The following SH3GL2 variants were observed in gnomAD, a reference collection of about 807,000 sequenced individuals.
The protein encoded by SH3GL2 is endophilin-A1.
Under a neutral mutation model 46.0 loss-of-function variants are expected in SH3GL2, and 24 were observed. The observed-to-expected ratio is 0.52, with a 90% CI of 0.38 to 0.73. The LOEUF (loss-of-function observed/expected upper bound fraction) is 0.73, where lower values mean the gene tolerates loss of function less well. Among genes scored for constraint, SH3GL2 ranks in the 30% least tolerant of loss-of-function variants. The pLI, the probability that SH3GL2 is intolerant of heterozygous loss-of-function variation, is 0.00. For missense variants in SH3GL2, 413 were observed against 424.2 expected (o/e 0.97, Z 0.23); for synonymous variants, 196 against 147.1 (o/e 1.33, Z -2.40).
chr9:17,593,074 G>C (rs930708909), intron 1 of SH3GL2, among the ~76,000 whole-genome samples: 2 of 152,192 alleles, frequency 1.3e-5, no homozygotes, highest in African/African-American at 4.8e-5. Context: ...GGGTATGGAA[G>C]CTCCAGGCTG....
rs142080390 is a variant in SH3GL2, at chr9:17,622,448, A to G, written c.45+43161A>G. 1.3e-3 allele frequency among the ~76,000 whole-genome samples: 201 copies of G among 152,352 alleles called. 1 individual carries two copies. The highest frequency in any genetic ancestry group is 3.8e-3 in the African/African-American group (156 of 41,588). ...GCAGCATGATTAAAAATGCTTCCAT[A>G]GTAAATAAGGACACTAGAATTGGGT... On this transcript the variant is annotated intron_variant, in intron 1 of 8. Transcript: ENST00000380607.
intron 1 of SH3GL2, among the ~76,000 whole-genome samples, chr9:17,611,450 A>G (rs1262789726): frequency 6.6e-6 from 1 of 152,140 alleles, no homozygotes; most frequent in African/African-American, 2.4e-5. Context: ...GCTCATTTAG[A>G]ACTTTATTGG....
intron 1 of SH3GL2, among the ~76,000 whole-genome samples, chr9:17,651,323 T>A (rs1819953526): frequency 6.6e-6 from 1 of 152,224 alleles, no homozygotes. Context: ...TTTAAAATGT[T>A]GACTCATCTC....
chr9:17,758,494 G>C (rs2131147234), intron 2 of SH3GL2, among the ~76,000 whole-genome samples: 1 of 146,532 alleles, frequency 6.8e-6, no homozygotes, highest in African/African-American at 2.5e-5. Flanking sequence ...CCTGGGAGGA[G>C]GAGGTTGCGG....
intron 3 of SH3GL2, among the ~76,000 whole-genome samples, chr9:17,767,363 A>T (rs2131159525): frequency 1.3e-5 from 2 of 152,366 alleles, no homozygotes; most frequent in South Asian, 4.1e-4. Flanking sequence ...AGTCCCTGGA[A>T]AGATACTCTA....
At chr9:17,608,848 A>G (rs1286490212) in intron 1 of SH3GL2, among the ~76,000 whole-genome samples, 2 of 152,214 alleles carry the variant, frequency 1.3e-5, no homozygotes, top group Non-Finnish European at 2.9e-5. Flanking sequence ...AATCCTTTTT[A>G]TTTTTATTGA....
chr9:17,609,006 C>T (rs1818811145), intron 1 of SH3GL2, among the ~76,000 whole-genome samples: 2 of 152,196 alleles, frequency 1.3e-5, no homozygotes, highest in South Asian at 2.1e-4. Flanking sequence ...TCACTGATCC[C>T]AGCATCTGCT....
intron 1 of SH3GL2, among the ~76,000 whole-genome samples, chr9:17,628,414 GTGT>G (rs1563788933): frequency 0.023 from 820 of 35,128 alleles, 11 homozygotes; most frequent in African/African-American, 0.054. Flanking sequence ...TATCTTGGGT[GTGT>G]GTGTGTGTGT....
Position 17,700,184 on chromosome 9 carries a change from T to A in SH3GL2, c.46-46882T>A, listed in dbSNP as rs577417180. On this transcript the variant is annotated intron_variant, in intron 1 of 8. Transcript: ENST00000380607. ...ATCTGCTAGGGATTTATTATTTTTC[T>A]TGTTTCCCCTCTCTAAGTTGGTGTT... is the stretch of plus-strand genomic sequence containing the variant. 6.6e-5 allele frequency among the ~76,000 whole-genome samples: 10 copies of A among 152,276 alleles called. No individual in the cohort carries two copies. The East Asian group carries it at 1.7e-3, about 26-fold the overall frequency.
chr9:17,676,752 G>C (rs1820621031), intron 1 of SH3GL2, among the ~76,000 whole-genome samples: 1 of 152,164 alleles, frequency 6.6e-6, no homozygotes, highest in Non-Finnish European at 1.5e-5. Flanking sequence ...AAACAAGATT[G>C]CTGGCACCAT....
chr9:17,738,641 T>TAGAG (rs1554645334), intron 1 of SH3GL2, among the ~76,000 whole-genome samples: 13 of 88,868 alleles, frequency 1.5e-4, no homozygotes, highest in African/African-American at 3.7e-4. Context: ...TATATATATA[T>TAGAG]AGAGAGAGAG....
chr9:17,648,371 C>CA (rs1563797016), intron 1 of SH3GL2, among the ~76,000 whole-genome samples: 1 of 152,114 alleles, frequency 6.6e-6, no homozygotes, highest in Non-Finnish European at 1.5e-5. Flanking sequence ...TATATCTACA[C>CA]AAAGGTACAT....
chr9:17,616,555 C>T (rs1368536874), intron 1 of SH3GL2, among the ~76,000 whole-genome samples: 1 of 152,000 alleles, frequency 6.6e-6, no homozygotes, highest in African/African-American at 2.4e-5. Flanking sequence ...ATCTGGGGGT[C>T]TGAGAGTCAG....
chr9:17,634,742 A>G (rs1036765209), intron 1 of SH3GL2, among the ~76,000 whole-genome samples: 2 of 152,158 alleles, frequency 1.3e-5, no homozygotes, highest in African/African-American at 4.8e-5. Context: ...AGCACAGAAA[A>G]TGACTTTGGC....
At chr9:17,663,277 G>A (rs559856734) in intron 1 of SH3GL2, among the ~76,000 whole-genome samples, 1 of 152,236 alleles carries the variant, frequency 6.6e-6, no homozygotes, top group Non-Finnish European at 1.5e-5. Flanking sequence ...CAGTTACATT[G>A]ACTGTGATGA....
chr9:17,750,565 C>T (rs1026068047), intron 2 of SH3GL2, among the ~76,000 whole-genome samples: 2 of 152,056 alleles, frequency 1.3e-5, no homozygotes, highest in African/African-American at 4.8e-5. Flanking sequence ...CTCCTAAGTG[C>T]CTTGCATGGA....
chr9:17,670,677 C>T (rs1820453447), intron 1 of SH3GL2, among the ~76,000 whole-genome samples: 1 of 152,212 alleles, frequency 6.6e-6, no homozygotes, highest in Admixed American at 6.5e-5. Context: ...ACTTGGCTGG[C>T]AAATTGTCAT....
intron 1 of SH3GL2, among the ~76,000 whole-genome samples, chr9:17,640,914 A>T (rs981394641): frequency 2.6e-5 from 4 of 152,194 alleles, no homozygotes; most frequent in Non-Finnish European, 4.4e-5. Flanking sequence ...GACTTTTAAA[A>T]TTGATTTCTA....
At chr9:17,637,398 C>T (rs149944699) in intron 1 of SH3GL2, among the ~76,000 whole-genome samples, 5 of 152,244 alleles carry the variant, frequency 3.3e-5, no homozygotes, top group East Asian at 1.9e-4. Context: ...TTCCCATAAA[C>T]GTCTGGTTAT....
Sources: allele counts gnomAD v4.1 joint callset (sites outside exome capture counted in the v4.1 genomes callset), GRCh38; gene constraint gnomAD v4.1.1; transcripts MANE v1.5; gene names NCBI Gene and HGNC (gene_info 2026-07-23, HGNC 2026-07-21).